DDX31: variants seen among roughly 807,000 people sequenced by gnomAD.
The protein encoded by DDX31 is ATP-dependent DNA helicase DDX31.
DDX31 carries 70 observed loss-of-function variants against 91.3 expected under a neutral mutation model. The ratio of observed to expected loss-of-function variants is 0.77; its 90% CI spans 0.63 to 0.94. DDX31 has a LOEUF of 0.94. Ranked by LOEUF, DDX31 falls within the 40% of genes least tolerant of loss-of-function variation. The pLI is 0.00. For missense variants in DDX31, 902 were observed against 925.0 expected (o/e 0.98, Z 0.32); for synonymous variants, 362 against 350.6 (o/e 1.03, Z -0.36).
At position 132,636,530 on chromosome 9, in the gene DDX31, T is replaced by C. The variant is rs1833128008; in HGVS notation, c.1441-4439A>G. Among the ~76,000 whole-genome samples the C allele has an allele frequency of 3.9e-5, 6 of 152,214 alleles. No individual in the cohort carries two copies. The South Asian group carries it at 1.2e-3, about 32-fold the overall frequency. The stretch of plus-strand genomic sequence containing the variant: ...AGACTCTAAAGACTCTAAAATAACA[T>C]GTGACGTTCATGAAACTCACTGTGA... On this transcript the variant is annotated intron_variant, in intron 14 of 19. Coordinates refer to ENST00000372159, the MANE Select transcript of DDX31 (RefSeq NM_022779.9).
chr9:132,612,828 C>T (rs777767641), intron 18 of DDX31, among the ~76,000 whole-genome samples: 14 of 152,148 alleles, frequency 9.2e-5, no homozygotes, highest in Non-Finnish European at 2.1e-4. Flanking sequence ...CACCAATGCC[C>T]CCTTCACCAC....
At chr9:132,617,306 T>G (rs1002286676) in intron 18 of DDX31, among the ~76,000 whole-genome samples, 16 of 152,058 alleles carry the variant, frequency 1.1e-4, no homozygotes, top group African/African-American at 3.9e-4. Context: ...ATGTCACCCC[T>G]TCACCTCCCC....
intron 19 of DDX31, among the ~76,000 whole-genome samples, chr9:132,606,879 T>TAGGTATTAGAGC (rs1831057271): frequency 1.3e-5 from 2 of 152,194 alleles, no homozygotes; most frequent in Admixed American, 6.5e-5. Context: ...CAGTTAGCTC[T>TAGGTATTAGAGC]TCCCAGGTAT....
At position 132,648,298 on chromosome 9, in the gene DDX31, G is replaced by A. The variant is rs1197255982; in HGVS notation, c.861-3C>T. ...TTTCAAAACCCAAATCCAAGATTCT[G>A]TGATTGTAAAAAAAAAAAGAAATTT... On this transcript the variant is annotated splice_polypyrimidine_tract_variant and splice_region_variant and intron_variant, in intron 10 of 19. Transcript: ENST00000372159. 1.9e-6 allele frequency: 3 copies of A among 1,605,346 alleles called. No individual in the cohort carries two copies. Among genetic ancestry groups the A allele is most frequent in the Admixed American group, 3.4e-5 (2 of 58,244 alleles).
rs1830310944 is a variant in DDX31, at chr9:132,593,849, G to A, written c.*1017C>T. 1 of 152,582 alleles carries A rather than the reference G, an allele frequency of 6.6e-6. No homozygotes were observed. The highest frequency in any genetic ancestry group is 1.5e-5 in the Non-Finnish European group (1 of 68,378). The allele number at this position is 152,582 out of a possible 1,614,324, so 9.5% of individuals were successfully genotyped here. ...AGTCACTGCAGAGGAGAAGGAAACT[G>A]AGAAGGCAAGACACAGTGGAGAGGA... On this transcript the variant is annotated 3_prime_UTR_variant, in exon 20 of 20. Coordinates refer to ENST00000372159, the MANE Select transcript of DDX31 (RefSeq NM_022779.9).
chr9:132,613,753 C>T (rs1831480388), intron 18 of DDX31, among the ~76,000 whole-genome samples: 1 of 152,170 alleles, frequency 6.6e-6, no homozygotes, highest in Non-Finnish European at 1.5e-5. Context: ...GGTCCCTCCT[C>T]CCTGAGAAAA....
At chr9:132,638,329 A>G in intron 14 of DDX31, 1 of 1,614,084 alleles carries the variant, frequency 6.2e-7, no homozygotes, top group South Asian at 1.1e-5. Context: ...ATTAAAAGCA[A>G]GGTTCCTTTC....
intron 1 of DDX31, chr9:132,669,570 CTTCCACGG>C (rs1835580943): frequency 6.8e-7 from 1 of 1,469,082 alleles, no homozygotes; most frequent in East Asian, 2.9e-5. Context: ...CAGGTCCTAC[CTTCCACGG>C]GAAACAGCCT....
At chr9:132,648,900 A>G (rs1834006055) in intron 9 of DDX31, among the ~76,000 whole-genome samples, 1 of 152,208 alleles carries the variant, frequency 6.6e-6, no homozygotes, top group Non-Finnish European at 1.5e-5. Context: ...TCTGTGCCAG[A>G]GAATCTAGTA....
intron 14 of DDX31, among the ~76,000 whole-genome samples, chr9:132,633,691 T>C (rs1297013502): frequency 6.6e-6 from 1 of 151,998 alleles, no homozygotes; most frequent in Non-Finnish European, 1.5e-5. Flanking sequence ...AAAAAACAGT[T>C]ATCGCCAGGG....
chr9:132,652,551 G>A (rs370558055), intron 6 of DDX31, 59 bp from the exon 7 acceptor site: 145 of 1,604,378 alleles, frequency 9.0e-5, no homozygotes, highest in Non-Finnish European at 1.2e-4. Context: ...GACTCCAAAC[G>A]GACAGGACAC....
chr9:132,606,310 T>C (rs879646370), intron 19 of DDX31, among the ~76,000 whole-genome samples: 11 of 152,266 alleles, frequency 7.2e-5, no homozygotes, highest in Non-Finnish European at 1.2e-4. Context: ...CACATAAAAA[T>C]TGGCAGGCAA....
intron 19 of DDX31, among the ~76,000 whole-genome samples, chr9:132,599,583 G>C (rs1589955235): frequency 6.6e-6 from 1 of 152,286 alleles, no homozygotes; most frequent in Middle Eastern, 3.4e-3. Flanking sequence ...TTCACTCTAA[G>C]GGGAAACAAA....
At position 132,648,281 on chromosome 9, in the gene DDX31, C is replaced by T. The variant is rs143213283; in HGVS notation, c.875G>A (p.Gly292Asp). 7.8e-5 allele frequency: 125 copies of T among 1,610,952 alleles called. No homozygotes were observed. In the African/African-American group the frequency reaches 1.6e-3, roughly 21 times the overall value. ...FDEADRILDL[G>D]FEKDITVILN... ...TATCACTGTGATGTCCTTTTCAAAA[C>T]CCAAATCCAAGATTCTGTGATTGTA... The change falls in exon 11 of 20, where the codon GGT (glycine) becomes GAT (aspartate). Residue 292 changes from glycine (G) to aspartate (D), a missense_variant. Coordinates refer to ENST00000372159, the MANE Select transcript of DDX31 (RefSeq NM_022779.9).
rs186979166 is a variant in DDX31 at position 132,613,416 on chromosome 9, G to C, written c.1826-1161C>G. On this transcript the variant is annotated intron_variant, in intron 18 of 19. Coordinates refer to ENST00000372159, the MANE Select transcript of DDX31 (RefSeq NM_022779.9). ...CGTTTTAAAATTAAGAAGAGCGGCC[G>C]GGCGCGGTGGCTCAAGCCTGTAATC... is the stretch of plus-strand genomic sequence containing the variant. Among the ~76,000 whole-genome samples the C allele has an allele frequency of 2.9e-3, 445 of 152,282 alleles. 1 individual carries two copies. Among genetic ancestry groups the C allele is most frequent in the Non-Finnish European group, 4.6e-3 (313 of 68,020 alleles).
intron 9 of DDX31, among the ~76,000 whole-genome samples, chr9:132,649,079 C>T (rs1341934636): frequency 2.0e-5 from 3 of 152,122 alleles, no homozygotes; most frequent in Admixed American, 2.0e-4. Flanking sequence ...GTCAGTCCAC[C>T]GTAATAAAAG....
chr9:132,616,982 C>A (rs1364490205), intron 18 of DDX31, among the ~76,000 whole-genome samples: 1 of 152,180 alleles, frequency 6.6e-6, no homozygotes, highest in Non-Finnish European at 1.5e-5. Context: ...CAGCCAGGCT[C>A]CCAGCTTTCA....
intron 14 of DDX31, 104 bp downstream of exon 14, chr9:132,641,900 G>A: frequency 5.1e-6 from 6 of 1,179,168 alleles, no homozygotes; most frequent in Non-Finnish European, 3.7e-6. Context: ...AGTGTTCCTG[G>A]GCCCTGTAGG....
intron 13 of DDX31, among the ~76,000 whole-genome samples, chr9:132,643,022 C>T (rs1381508201): frequency 6.6e-6 from 1 of 152,082 alleles, no homozygotes; most frequent in Non-Finnish European, 1.5e-5. Context: ...CGAGGTTTTG[C>T]CATGCTGCTC....
Sources: gnomAD v4.1 joint callset for allele counts (sites outside exome capture counted in the v4.1 genomes callset) on GRCh38, gnomAD v4.1.1 for gene constraint, MANE v1.5 for transcripts, NCBI Gene and HGNC (gene_info 2026-07-23, HGNC 2026-07-21) for gene names.